The following GMDS variants were observed in gnomAD, a reference collection of about 807,000 sequenced individuals.
GMDS encodes GDP-mannose 4,6-dehydratase.
Under a neutral mutation model 49.9 loss-of-function variants are expected in GMDS, and 20 were observed. The ratio of observed to expected loss-of-function variants is 0.40; its 90% CI spans 0.28 to 0.58. The LOEUF is 0.58. Among genes scored for constraint, GMDS ranks in the 20% least tolerant of loss-of-function variants. GMDS has a pLI of 0.42. For synonymous variants in GMDS, 177 were observed against 178.6 expected, an observed-to-expected ratio of 0.99 and a Z score of 0.07; for missense variants, 362 against 481.4, an observed-to-expected ratio of 0.75 and a Z score of 2.32.
chr6:1,663,347 C>T (rs756931890), intron 9 of GMDS, among the ~76,000 whole-genome samples: 1 of 152,182 alleles, frequency 6.6e-6, no homozygotes, highest in Non-Finnish European at 1.5e-5. Context: ...AACTGTGGGA[C>T]CTCCTTCACC....
intron 7 of GMDS, among the ~76,000 whole-genome samples, chr6:1,762,881 G>A (rs1768214937): frequency 6.6e-6 from 1 of 152,164 alleles, no homozygotes; most frequent in Admixed American, 6.5e-5. Flanking sequence ...ATTAGGGAAT[G>A]CTGATCATTT....
intron 9 of GMDS, among the ~76,000 whole-genome samples, chr6:1,686,230 G>A (rs913591508): frequency 1.3e-5 from 2 of 152,202 alleles, no homozygotes; most frequent in African/African-American, 2.4e-5. Flanking sequence ...CCTCTTTCCC[G>A]CACAACAGTG....
chr6:1,763,509 G>T (rs1316026869), intron 7 of GMDS, among the ~76,000 whole-genome samples: 2 of 152,208 alleles, frequency 1.3e-5, no homozygotes, highest in East Asian at 3.9e-4. Flanking sequence ...CAGACTGCAG[G>T]TGGACAGACA....
At chr6:2,224,775 T>C (rs560368127) in intron 1 of GMDS, among the ~76,000 whole-genome samples, 293 of 152,336 alleles carry the variant, frequency 1.9e-3, no homozygotes, top group Admixed American at 3.7e-3. Flanking sequence ...AAAAGAATTC[T>C]AGGTCAAAGC....
At chr6:2,175,793 ACATT>A in intron 1 of GMDS, 1 of 572,740 alleles carries the variant, frequency 1.7e-6, no homozygotes, top group Non-Finnish European at 3.1e-6. Flanking sequence ...TTTATAGCTA[ACATT>A]TATATAGCCC....
chr6:1,935,923 G>A (rs1054119679), intron 6 of GMDS, among the ~76,000 whole-genome samples: 5 of 152,108 alleles, frequency 3.3e-5, no homozygotes, highest in African/African-American at 9.7e-5. Flanking sequence ...AGAAATGAAA[G>A]AAAATCCCCA....
At chr6:2,001,814 C>T (rs1253570576) in intron 4 of GMDS, among the ~76,000 whole-genome samples, 1 of 152,104 alleles carries the variant, frequency 6.6e-6, no homozygotes, top group East Asian at 1.9e-4. Flanking sequence ...ACAAATGGTG[C>T]ACGGACAACT....
intron 1 of GMDS, among the ~76,000 whole-genome samples, chr6:2,203,645 G>A (rs1178876133): frequency 6.6e-6 from 1 of 152,090 alleles, no homozygotes; most frequent in Non-Finnish European, 1.5e-5. Context: ...TTTGGAGACA[G>A]TGGTTAACAC....
intron 9 of GMDS, among the ~76,000 whole-genome samples, chr6:1,724,713 C>A (rs890626286): frequency 3.3e-5 from 5 of 152,314 alleles, no homozygotes; most frequent in Admixed American, 3.3e-4. Context: ...GCCAGAGAGT[C>A]AAATGGCAGC....
intron 9 of GMDS, among the ~76,000 whole-genome samples, chr6:1,656,170 A>C (rs1166241820): frequency 6.6e-6 from 1 of 152,200 alleles, no homozygotes; most frequent in Non-Finnish European, 1.5e-5. Context: ...ATTTTCCAAA[A>C]CTTAGCCCAT....
chr6:1,835,995 G>A (rs777738409), intron 7 of GMDS, among the ~76,000 whole-genome samples: 5 of 151,024 alleles, frequency 3.3e-5, no homozygotes, highest in Admixed American at 1.3e-4. Context: ...TCACACCACC[G>A]GAGCTGTGAC....
chr6:2,134,183 A>G (rs1775879050), intron 1 of GMDS, among the ~76,000 whole-genome samples: 1 of 152,196 alleles, frequency 6.6e-6, no homozygotes, highest in South Asian at 2.1e-4. Context: ...TCCACCACAG[A>G]AATAAAGGGG....
intron 7 of GMDS, among the ~76,000 whole-genome samples, chr6:1,920,620 C>G (rs1036694515): frequency 9.2e-5 from 14 of 152,188 alleles, no homozygotes; most frequent in African/African-American, 3.1e-4. Flanking sequence ...GATGTCACAT[C>G]TTGTGAGAGA....
intron 1 of GMDS, among the ~76,000 whole-genome samples, chr6:2,133,732 T>C (rs562771086): frequency 2.0e-4 from 30 of 152,272 alleles, no homozygotes; most frequent in Non-Finnish European, 4.4e-4. Context: ...AATTCAAGCA[T>C]ATATCAGGAG....
intron 1 of GMDS, among the ~76,000 whole-genome samples, chr6:2,200,275 C>T (rs1442104514): frequency 6.6e-6 from 1 of 151,954 alleles, no homozygotes; most frequent in Non-Finnish European, 1.5e-5. Flanking sequence ...GGGATGGGAG[C>T]CTCAGTAGAA....
intron 9 of GMDS, 143 bp from the exon 10 acceptor site, chr6:1,624,683 G>T: frequency 1.6e-6 from 1 of 629,700 alleles, no homozygotes; most frequent in Admixed American, 2.9e-5. Context: ...CCTGCTGTGC[G>T]CGTTCAGTTG....
chr6:1,710,247 C>T (rs192321983), intron 9 of GMDS, among the ~76,000 whole-genome samples: 17 of 152,216 alleles, frequency 1.1e-4, no homozygotes, highest in African/African-American at 4.1e-4. Context: ...TCCACCAGAC[C>T]GGGGAAAACA....
intron 7 of GMDS, among the ~76,000 whole-genome samples, chr6:1,895,350 C>CTA (rs954322409): frequency 3.4e-4 from 52 of 152,180 alleles, no homozygotes; most frequent in African/African-American, 1.2e-3. Flanking sequence ...TCAAAATGAA[C>CTA]TATAGTAAGC....
At chr6:1,931,694 C>T (rs1245024386) in intron 6 of GMDS, among the ~76,000 whole-genome samples, 1 of 152,146 alleles carries the variant, frequency 6.6e-6, no homozygotes, top group African/African-American at 2.4e-5. Context: ...ATTTCAATGT[C>T]AGGACTATAC....
Sources: allele counts gnomAD v4.1 joint callset (sites outside exome capture counted in the v4.1 genomes callset), GRCh38; gene constraint gnomAD v4.1.1; transcripts MANE v1.5; gene names NCBI Gene and HGNC (gene_info 2026-07-23, HGNC 2026-07-21).